The following TRPV1 variants were observed in gnomAD, a reference collection of about 807,000 sequenced individuals.
TRPV1 encodes the protein OTRPC1.
In TRPV1, 82 loss-of-function variants were observed where a neutral mutation model predicts 82.3. The observed-to-expected ratio is 1.00, with a 90% confidence interval of 0.83 to 1.20. The LOEUF (loss-of-function observed/expected upper bound fraction) is 1.20. TRPV1 is among the 50% of genes most tolerant of loss of function. The pLI is 0.00. For synonymous variants in TRPV1, 515 were observed against 467.7 expected (o/e 1.10, Z -1.30); for missense variants, 1,067 against 1,096.8 (o/e 0.97, Z 0.38).
At chr17:3,572,843 T>C (rs369767488) in intron 14 of TRPV1, among the ~76,000 whole-genome samples, 39 of 151,458 alleles carry the variant, frequency 2.6e-4, no homozygotes, top group African/African-American at 8.2e-4. Context: ...ATTAGCTGGG[T>C]GTGGTGGTGG....
chr17:3,568,252 G>A (rs538475293), intron 16 of TRPV1, among the ~76,000 whole-genome samples: 5 of 151,504 alleles, frequency 3.3e-5, no homozygotes, highest in Admixed American at 2.6e-4. Context: ...AACCCGGGAG[G>A]TGGAGCTTGC....
At chr17:3,598,834 T>C (rs1410449006) in intron 2 of TRPV1, among the ~76,000 whole-genome samples, 1 of 149,168 alleles carries the variant, frequency 6.7e-6, no homozygotes, top group Non-Finnish European at 1.5e-5. Context: ...CCCAAAGTGC[T>C]GGGATCATAG....
Position 3,592,385 on chromosome 17 carries a change from T to G in TRPV1, c.-33-2A>C. 1 of 1,557,572 alleles carries G rather than the reference T, an allele frequency of 6.4e-7. No homozygotes were observed. The highest frequency in any genetic ancestry group is 1.8e-4 in the Middle Eastern group (1 of 5,534). ...ATCCTCTGTGGCCCAGTGTGCAACC[T>G]GCAGCAGCCACCACGCCGGGGTTGA... On this transcript the variant is annotated splice_acceptor_variant, in intron 2 of 16. Transcript: ENST00000572705. LOFTEE classifies it low-confidence loss of function (5UTR_SPLICE).
At chr17:3,589,680 C>T (rs1017421840) in intron 7 of TRPV1, 127 bp downstream of exon 7, 1 of 1,167,008 alleles carries the variant, frequency 8.6e-7, no homozygotes, top group Non-Finnish European at 1.2e-6. Context: ...GCCCTACAGG[C>T]TGGTATGACA....
chr17:3,590,665 G>T (rs2075145537), intron 5 of TRPV1, among the ~76,000 whole-genome samples: 1 of 152,198 alleles, frequency 6.6e-6, no homozygotes, highest in Admixed American at 6.5e-5. Context: ...GCAGCAGAGA[G>T]AAAGGCCAGA....
rs1567673375 is a variant in TRPV1 at position 3,594,160 on chromosome 17, C to CAAAAAAAAAAAAAA, written c.-33-1778_-33-1777insTTTTTTTTTTTTTT. ...AAAAAAAAAAAAAAAAAAGAAGCAG[C>CAAAAAAAAAAAAAA]AGCAGCAGCAGCAGCAGCAGCTGCA... On this transcript the variant is annotated intron_variant, in intron 2 of 16. Coordinates refer to ENST00000572705, the MANE Select transcript of TRPV1 (RefSeq NM_080704.4). Among the ~76,000 whole-genome samples, 23 of 115,882 alleles carry CAAAAAAAAAAAAAA rather than the reference C, an allele frequency of 2.0e-4. 4 individuals carry two copies. The highest frequency in any genetic ancestry group is 3.8e-3 in the Middle Eastern group (1 of 264). The allele number at this position is 115,882 out of a possible 152,430, so 76.0% of individuals were successfully genotyped here. A position where few individuals can be genotyped will look rare whatever the true frequency, so the allele number is the denominator to read the frequency against.
At chr17:3,607,229 A>G (rs2075301473) in intron 2 of TRPV1, among the ~76,000 whole-genome samples, 1 of 152,008 alleles carries the variant, frequency 6.6e-6, no homozygotes, top group Non-Finnish European at 1.5e-5. Context: ...CTGTAATCTC[A>G]GCTACTCGGG....
chr17:3,602,787 G>T (rs1178390119), intron 2 of TRPV1, among the ~76,000 whole-genome samples: 2 of 152,198 alleles, frequency 1.3e-5, no homozygotes, highest in African/African-American at 4.8e-5. Flanking sequence ...CTGGCCATCG[G>T]AGACAAATTT....
intron 16 of TRPV1, among the ~76,000 whole-genome samples, chr17:3,570,280 G>C (rs561808673): frequency 6.6e-6 from 1 of 151,622 alleles, no homozygotes; most frequent in East Asian, 1.9e-4. Context: ...TGAGGCAGGA[G>C]AATCGCTTGA....
chr17:3,581,984 A>T (rs1242108411), intron 10 of TRPV1, among the ~76,000 whole-genome samples: 4 of 147,220 alleles, frequency 2.7e-5, no homozygotes, highest in Admixed American at 2.1e-4. Flanking sequence ...AGGTCAGGAG[A>T]TCGAGACCAT....
In TRPV1 at chr17:3,590,383, G is replaced by A; in HGVS notation, c.614C>T (p.Ala205Val). 6.2e-7 allele frequency: 1 copy of A among 1,613,828 alleles called. No homozygotes were observed. The highest frequency in any genetic ancestry group is 8.5e-7 in the Non-Finnish European group (1 of 1,179,862). ...GCGTCTCTCGATGGCGATGTGCAGT[G>A]CTGTCTGGCCTACAGAGGACGCGCA... ...YTDSYYKGQT[A>V]LHIAIERRNM... The change falls in exon 6 of 17, where the codon GCA becomes GTA. Residue 205 changes from alanine (A) to valine (V), a missense_variant. Physicochemically the swap from Ala to Val is moderately conservative, Grantham distance 64. Transcript: ENST00000572705.
chr17:3,566,740 T>C lies in TRPV1; in HGVS notation c.*75A>G. On this transcript the variant is annotated 3_prime_UTR_variant, in exon 17 of 17. Coordinates refer to ENST00000572705, the MANE Select transcript of TRPV1 (RefSeq NM_080704.4). ...GGCCAGGCTGCTGACAGAGCACTGGTGTTCCCTCAGCAGCCCCCCGTGGCA... is the reference window on the plus strand; with the variant it reads ...GGCCAGGCTGCTGACAGAGCACTGGCGTTCCCTCAGCAGCCCCCCGTGGCA... The C allele has an allele frequency of 1.9e-6, 3 of 1,542,664 alleles. No homozygotes were observed. The highest frequency in any genetic ancestry group is 1.8e-6 in the Non-Finnish European group (2 of 1,137,244).
At chr17:3,591,744 C>T (rs1200240734) in intron 3 of TRPV1, among the ~76,000 whole-genome samples, 1 of 152,192 alleles carries the variant, frequency 6.6e-6, no homozygotes, top group Admixed American at 6.5e-5. Context: ...CAGCCTGTGG[C>T]CCTCCCTGCC....
intron 9 of TRPV1, among the ~76,000 whole-genome samples, chr17:3,584,058 G>A (rs1778752913): frequency 6.6e-6 from 1 of 151,940 alleles, no homozygotes; most frequent in African/African-American, 2.4e-5. Flanking sequence ...ATCACCTGAG[G>A]TCGAGAGTTC....
intron 8 of TRPV1, 45 bp from the exon 9 acceptor site, chr17:3,585,971 C>T: frequency 2.5e-6 from 4 of 1,609,364 alleles, no homozygotes; most frequent in Non-Finnish European, 3.4e-6. Context: ...GCAGCAGGAA[C>T]TCCTCGCACG....
intron 9 of TRPV1, among the ~76,000 whole-genome samples, chr17:3,584,411 A>T (rs111503665): frequency 1.5e-4 from 8 of 52,938 alleles, no homozygotes; most frequent in African/African-American, 6.8e-4. Context: ...TCAAAAAAAA[A>T]AAAAATAAAA....
intron 10 of TRPV1, 84 bp from the exon 11 acceptor site, chr17:3,580,611 C>A: frequency 4.9e-6 from 7 of 1,415,388 alleles, no homozygotes; most frequent in Non-Finnish European, 7.0e-6. Flanking sequence ...CTAAATGGCA[C>A]CATGATGGGG....
intron 5 of TRPV1, 127 bp downstream of exon 5, chr17:3,590,837 C>G: frequency 2.3e-6 from 3 of 1,320,052 alleles, no homozygotes; most frequent in Non-Finnish European, 3.0e-6. Context: ...GGATTAGGAG[C>G]CACCAACGCA....
In TRPV1 at chr17:3,573,867, G is replaced by T. The variant is rs2074893769; in HGVS notation, c.1869C>A (p.Pro623=). 6.2e-7 allele frequency: 1 copy of T among 1,612,222 alleles called. No individual in the cohort carries two copies. Among genetic ancestry groups the T allele is most frequent in the African/African-American group, 1.3e-5 (1 of 74,734 alleles). Residue 623 remains proline, a synonymous_variant, in exon 14 of 17, where the codon CCC becomes CCA. Coordinates refer to ENST00000572705, the MANE Select transcript of TRPV1 (RefSeq NM_080704.4). ...ACAGGCTGTTGTAGGAGCTATCGGG[G>T]GGCCTGCAGGCAGGCCCCCGCCACC... ...SHRWRGPACR[P]PDSSYNSLYS... is the part of the protein sequence containing the mutation.
Sources: gnomAD v4.1 joint callset for allele counts (sites outside exome capture counted in the v4.1 genomes callset) on GRCh38, gnomAD v4.1.1 for gene constraint, MANE v1.5 for transcripts, NCBI Gene and HGNC (gene_info 2026-07-23, HGNC 2026-07-21) for gene names.